USP32: variants seen among roughly 807,000 people sequenced by gnomAD.
USP32 encodes ubiquitin specific peptidase 32, also known as ubiquitin carboxyl-terminal hydrolase 32.
USP32 carries 59 observed loss-of-function variants against 204.8 expected under a neutral mutation model. That is an observed-to-expected ratio of 0.29 (90% CI 0.23 to 0.36). The LOEUF (loss-of-function observed/expected upper bound fraction) is 0.36, where lower values mean the gene tolerates loss of function less well. USP32 is among the 10% of genes least tolerant of loss of function. The pLI is 1.00. For missense variants in USP32, 1,160 were observed against 1,946.4 expected (o/e 0.60, Z 7.60); for synonymous variants, 517 against 678.4 (o/e 0.76, Z 3.70).
chr17:60,352,651 G>A (rs1489162825), intron 1 of USP32, among the ~76,000 whole-genome samples: 2 of 152,132 alleles, frequency 1.3e-5, no homozygotes, highest in African/African-American at 2.4e-5. Context: ...CATTGGTGTC[G>A]ATGCAATAAA....
In USP32 at chr17:60,231,176, T is replaced by A. The variant is rs144994340; in HGVS notation, c.1240-4945A>T. ...AGTTGTATAAATAGTTTATGTGTTC[T>A]AAAATATGGGTCAAGATTCACCTTT... is the stretch of plus-strand genomic sequence containing the variant. On this transcript the variant is annotated intron_variant, in intron 12 of 33. Coordinates refer to ENST00000300896, the MANE Select transcript of USP32 (RefSeq NM_032582.4). 2.2e-3 allele frequency among the ~76,000 whole-genome samples: 339 copies of A among 152,348 alleles called. 1 individual carries two copies. Among genetic ancestry groups the A allele is most frequent in the African/African-American group, 7.6e-3 (318 of 41,588 alleles).
At chr17:60,347,386 C>T (rs912385245) in intron 1 of USP32, among the ~76,000 whole-genome samples, 4 of 149,890 alleles carry the variant, frequency 2.7e-5, no homozygotes, top group Admixed American at 1.3e-4. Flanking sequence ...CGGCATCTTG[C>T]TCTGTCGCCC....
intron 1 of USP32, among the ~76,000 whole-genome samples, chr17:60,384,437 A>G (rs2089694965): frequency 6.6e-6 from 1 of 152,166 alleles, no homozygotes; most frequent in African/African-American, 2.4e-5. Context: ...CCCAACAAAC[A>G]TGTTATAGGC....
chr17:60,183,196 T>G lies in USP32; in HGVS notation c.4092A>C (p.Ser1364=), dbSNP rs1033421339. 6.2e-7 allele frequency: 1 copy of G among 1,613,686 alleles called. No homozygotes were observed. Among genetic ancestry groups the G allele is most frequent in the Non-Finnish European group, 8.5e-7 (1 of 1,179,802 alleles). ...EDVLLSKSPS[S]LSANIISSPK... is the part of the protein sequence containing the mutation. ...GGCTGCTGATGATGTTAGCGCTGAGTGAGGATGGGCTTTTGCTCAGGAGCA... is the reference window on the plus strand; with the variant it reads ...GGCTGCTGATGATGTTAGCGCTGAGGGAGGATGGGCTTTTGCTCAGGAGCA... The change falls in exon 31 of 34, where the codon TCA becomes TCC. Residue 1364 remains serine (S), a synonymous_variant. Coordinates refer to ENST00000300896, the MANE Select transcript of USP32 (RefSeq NM_032582.4).
intron 7 of USP32, among the ~76,000 whole-genome samples, chr17:60,269,093 T>C (rs2086667891): frequency 6.6e-6 from 1 of 152,196 alleles, no homozygotes; most frequent in Admixed American, 6.5e-5. Flanking sequence ...GGATGGAAAA[T>C]GAGTTATGCC....
intron 1 of USP32, among the ~76,000 whole-genome samples, chr17:60,349,238 T>A (rs1415708217): frequency 6.6e-6 from 1 of 150,948 alleles, no homozygotes; most frequent in Admixed American, 6.6e-5. Context: ...TCCTATAGTG[T>A]TGGTTACAGA....
At chr17:60,316,114 G>T in intron 2 of USP32, 1 of 249,142 alleles carries the variant, frequency 4.0e-6, no homozygotes, top group South Asian at 4.4e-5. Flanking sequence ...AATGATGGTT[G>T]GCCTTTTTGA....
intron 1 of USP32, among the ~76,000 whole-genome samples, chr17:60,420,139 T>G (rs1318850195): frequency 1.3e-5 from 2 of 151,784 alleles, no homozygotes; most frequent in Non-Finnish European, 2.9e-5. Context: ...TTATTTTATT[T>G]TGTATTTTTA....
rs566343674 is a variant in USP32, at chr17:60,221,336, T to G, written c.1749+1073A>C. Among the ~76,000 whole-genome samples the G allele has an allele frequency of 3.9e-5, 6 of 152,240 alleles. No individual in the cohort carries two copies. In the East Asian group the frequency reaches 1.2e-3, roughly 29 times the overall value. On this transcript the variant is annotated intron_variant, in intron 15 of 33. Coordinates refer to ENST00000300896, the MANE Select transcript of USP32 (RefSeq NM_032582.4). ...CAAACCCTGGAGCTTGAGGTTATTT[T>G]TCATAAACGTAATTATTAAGAACTC...
chr17:60,325,943 A>G (rs1378732789), intron 2 of USP32, among the ~76,000 whole-genome samples: 2 of 147,052 alleles, frequency 1.4e-5, no homozygotes, highest in Non-Finnish European at 3.0e-5. Context: ...ATTGGACTTT[A>G]GCCTGGGTGA....
At chr17:60,256,574 T>A in intron 9 of USP32, 1 of 524,296 alleles carries the variant, frequency 1.9e-6, no homozygotes. Context: ...ATTCTTTCCA[T>A]GTCTGCATGA....
At chr17:60,333,930 T>G (rs1231801018) in intron 2 of USP32, among the ~76,000 whole-genome samples, 2 of 152,184 alleles carry the variant, frequency 1.3e-5, no homozygotes, top group African/African-American at 4.8e-5. Context: ...TTTTCTCTGC[T>G]TCTTGGGAAC....
intron 2 of USP32, among the ~76,000 whole-genome samples, chr17:60,334,466 C>T (rs976634798): frequency 6.6e-6 from 1 of 151,952 alleles, no homozygotes; most frequent in Non-Finnish European, 1.5e-5. Flanking sequence ...TGCAAATCTC[C>T]AAAAATTTTT....
At chr17:60,380,440 C>T (rs2089626822) in intron 1 of USP32, among the ~76,000 whole-genome samples, 1 of 152,072 alleles carries the variant, frequency 6.6e-6, no homozygotes, top group African/African-American at 2.4e-5. Flanking sequence ...TAGTGGTGCA[C>T]ACCTGTAGTC....
At position 60,294,743 on chromosome 17, in the gene USP32, T is replaced by C; in HGVS notation, c.351A>G (p.Glu117=). 1 of 1,613,232 alleles carries C rather than the reference T, an allele frequency of 6.2e-7. No individual in the cohort carries two copies. Among genetic ancestry groups the C allele is most frequent in the Non-Finnish European group, 8.5e-7 (1 of 1,179,488 alleles). The change falls in exon 4 of 34, where the codon GAA becomes GAG. Residue 117 remains glutamate (E), a synonymous_variant. Transcript: ENST00000300896. ...SGNYVIREEM[E]RMLHVVDGKV... ...TACCATCCACCACGTGGAGCATTCT[T>C]TCCATTTCTTCCCGTATAACATAGT... is the stretch of plus-strand genomic sequence containing the variant.
chr17:60,415,821 T>G (rs2090056552), intron 1 of USP32, among the ~76,000 whole-genome samples: 1 of 152,102 alleles, frequency 6.6e-6, no homozygotes, highest in African/African-American at 2.4e-5. Context: ...TAAGATATGC[T>G]TGGTGGTGTT....
At chr17:60,398,889 G>A (rs1179292062) in intron 1 of USP32, among the ~76,000 whole-genome samples, 1 of 152,068 alleles carries the variant, frequency 6.6e-6, no homozygotes. Flanking sequence ...GCTAAACTGG[G>A]GAGAGCACTT....
intron 12 of USP32, among the ~76,000 whole-genome samples, chr17:60,232,295 C>T (rs150255904): frequency 0.037 from 5,524 of 149,714 alleles, 158 homozygotes; most frequent in Non-Finnish European, 0.051. Context: ...GCCTCAGCCT[C>T]CCAAGTAGCT....
At chr17:60,392,366 C>G (rs995382290), upstream of USP32, 4 of 263,788 alleles carry the variant, frequency 1.5e-5, no homozygotes, top group African/African-American at 2.3e-5. Context: ...GGGAGGGGGA[C>G]GCATCTCCGC....
Sources: allele counts gnomAD v4.1 joint callset (sites outside exome capture counted in the v4.1 genomes callset), GRCh38; gene constraint gnomAD v4.1.1; transcripts MANE v1.5; gene names NCBI Gene and HGNC (gene_info 2026-07-23, HGNC 2026-07-21).